Variants in CNTN5 observed in about 807,000 individuals in gnomAD.
The protein encoded by CNTN5 is contactin 5.
CNTN5 carries 77 observed loss-of-function variants against 129.1 expected under a neutral mutation model. The observed-to-expected ratio is 0.60, with a 90% CI of 0.50 to 0.72. The LOEUF (loss-of-function observed/expected upper bound fraction) is 0.72. Ranked by LOEUF, CNTN5 falls within the 30% of genes least tolerant of loss-of-function variation. CNTN5 has a pLI of 0.00. For synonymous variants in CNTN5, 509 were observed against 465.6 expected, an observed-to-expected ratio of 1.09 and a Z score of -1.20; for missense variants, 1,478 against 1,328.8, an observed-to-expected ratio of 1.11 and a Z score of -1.75.
At chr11:99,398,019 C>T (rs184442228) in intron 2 of CNTN5, among the ~76,000 whole-genome samples, 2 of 151,868 alleles carry the variant, frequency 1.3e-5, no homozygotes, top group Non-Finnish European at 2.9e-5. Context: ...ACTGATGTCT[C>T]CCAGTCTAAT....
At chr11:100,146,143 A>G (rs988640030) in intron 13 of CNTN5, among the ~76,000 whole-genome samples, 3 of 152,152 alleles carry the variant, frequency 2.0e-5, no homozygotes, top group Admixed American at 6.5e-5. Flanking sequence ...TTTGTGTTTT[A>G]TGTGAGGGAA....
At chr11:99,107,890 CA>C (rs1391890989) in intron 1 of CNTN5, among the ~76,000 whole-genome samples, 2 of 146,962 alleles carry the variant, frequency 1.4e-5, no homozygotes, top group African/African-American at 5.1e-5. Context: ...AAGATCGCAC[CA>C]CTGCACTCCA....
At chr11:99,126,619 C>A (rs569241423) in intron 1 of CNTN5, among the ~76,000 whole-genome samples, 21 of 152,166 alleles carry the variant, frequency 1.4e-4, no homozygotes, top group South Asian at 4.1e-4. Flanking sequence ...AGTCCTGGGT[C>A]TATTTTAGGG....
At chr11:100,052,925 CA>C (rs948896806) in intron 9 of CNTN5, among the ~76,000 whole-genome samples, 8 of 151,460 alleles carry the variant, frequency 5.3e-5, no homozygotes, top group African/African-American at 1.5e-4. Flanking sequence ...TAAAGTCCAT[CA>C]AAAAAATGCC....
chr11:99,687,373 C>A (rs1321009502), intron 3 of CNTN5, among the ~76,000 whole-genome samples: 1 of 152,080 alleles, frequency 6.6e-6, no homozygotes, highest in Non-Finnish European at 1.5e-5. Flanking sequence ...TCTGGGTAAA[C>A]ATAAAGTAGT....
At chr11:99,346,438 T>A (rs892427541) in intron 2 of CNTN5, among the ~76,000 whole-genome samples, 1 of 152,194 alleles carries the variant, frequency 6.6e-6, no homozygotes, top group Non-Finnish European at 1.5e-5. Context: ...TCAGGCCTGG[T>A]GGCCCTTGTG....
chr11:99,931,314 A>C (rs2136076026), intron 7 of CNTN5, among the ~76,000 whole-genome samples: 1 of 152,334 alleles, frequency 6.6e-6, no homozygotes, highest in Admixed American at 6.5e-5. Context: ...ACTATCTGAC[A>C]AAACTTACAC....
chr11:99,090,516 T>C (rs1398837375), intron 1 of CNTN5, among the ~76,000 whole-genome samples: 2 of 152,048 alleles, frequency 1.3e-5, no homozygotes, highest in Non-Finnish European at 2.9e-5. Context: ...TATCAGATCA[T>C]GTGATAAAGA....
intron 2 of CNTN5, among the ~76,000 whole-genome samples, chr11:99,531,350 C>T (rs1029159951): frequency 6.6e-6 from 1 of 152,162 alleles, no homozygotes; most frequent in African/African-American, 2.4e-5. Context: ...GGCTTGGGAA[C>T]TGTTAAAGGC....
intron 18 of CNTN5, among the ~76,000 whole-genome samples, chr11:100,296,626 C>T (rs1056019580): frequency 2.0e-5 from 3 of 151,480 alleles, no homozygotes; most frequent in African/African-American, 7.3e-5. Context: ...TTCAATGGAG[C>T]CAATTATATA....
intron 6 of CNTN5, among the ~76,000 whole-genome samples, chr11:99,869,347 G>T (rs1415209356): frequency 2.0e-5 from 3 of 152,054 alleles, no homozygotes; most frequent in Admixed American, 6.6e-5. Flanking sequence ...TCATCTCAAA[G>T]ATATGGCCCT....
chr11:99,814,381 A>G (rs751586144), intron 3 of CNTN5, among the ~76,000 whole-genome samples: 8 of 152,158 alleles, frequency 5.3e-5, no homozygotes, highest in Non-Finnish European at 1.0e-4. Context: ...GAGAGAGGCT[A>G]AGATGTTAAT....
intron 3 of CNTN5, among the ~76,000 whole-genome samples, chr11:99,601,194 CTT>C (rs1233212928): frequency 1.3e-5 from 2 of 152,138 alleles, no homozygotes. Context: ...ACAAATGTGA[CTT>C]TATTTAATCT....
rs1303245681 is a variant in CNTN5, at chr11:99,275,370, T to A, written c.-209-49976T>A. Among the ~76,000 whole-genome samples the A allele has an allele frequency of 2.6e-5, 4 of 151,714 alleles. No homozygotes were observed. In the Admixed American group the frequency reaches 2.6e-4, roughly 10 times the overall value. On this transcript the variant is annotated intron_variant, in intron 1 of 24. Transcript: ENST00000524871. ...ATGATTTTGCTTACCTTTTATACTA[T>A]AATTAAATTATATATGTTCATATTT...
At chr11:100,288,626 T>G (rs1414766490) in intron 18 of CNTN5, among the ~76,000 whole-genome samples, 1 of 151,990 alleles carries the variant, frequency 6.6e-6, no homozygotes, top group African/African-American at 2.4e-5. Context: ...CAGGGAAATT[T>G]ATAGCACTAA....
intron 18 of CNTN5, among the ~76,000 whole-genome samples, chr11:100,291,298 C>T (rs1284904816): frequency 4.6e-5 from 7 of 151,968 alleles, no homozygotes; most frequent in Non-Finnish European, 1.0e-4. Flanking sequence ...GCTATAAAGA[C>T]ACATGCACAC....
intron 13 of CNTN5, among the ~76,000 whole-genome samples, chr11:100,141,171 C>G (rs771488791): frequency 6.6e-6 from 1 of 151,884 alleles, no homozygotes; most frequent in African/African-American, 2.4e-5. Flanking sequence ...GGGTAGAATT[C>G]GGAGTCTAAA....
intron 1 of CNTN5, among the ~76,000 whole-genome samples, chr11:99,270,544 T>A (rs1863124342): frequency 6.6e-6 from 1 of 151,892 alleles, no homozygotes; most frequent in Non-Finnish European, 1.5e-5. Flanking sequence ...TATGAATGAG[T>A]CTTTTTTCTC....
At chr11:100,073,976 A>G (rs1754500773) in intron 12 of CNTN5, among the ~76,000 whole-genome samples, 168 bp from the exon 13 acceptor site, 2 of 152,192 alleles carry the variant, frequency 1.3e-5, no homozygotes, top group South Asian at 4.1e-4. Context: ...GGTACATATT[A>G]ATTAATAATA....
Sources: gnomAD v4.1 joint callset for allele counts (sites outside exome capture counted in the v4.1 genomes callset) on GRCh38, gnomAD v4.1.1 for gene constraint, MANE v1.5 for transcripts, NCBI Gene and HGNC (gene_info 2026-07-23, HGNC 2026-07-21) for gene names.